The following CBR4 variants were observed in gnomAD, a reference collection of about 807,000 sequenced individuals.
CBR4 encodes 3-oxoacyl-[acyl-carrier-protein] reductase.
A neutral mutation model predicts 21.0 loss-of-function variants in CBR4; 22 were observed. The ratio of observed to expected loss-of-function variants is 1.05; its 90% CI spans 0.75 to 1.50. CBR4 has a LOEUF of 1.50. Among genes scored for constraint, CBR4 ranks in the 40% most tolerant of loss-of-function variants. The probability of loss-of-function intolerance (pLI) is 0.00; values close to 1 mark genes in which losing one functional copy is unlikely to be tolerated. For missense variants in CBR4, 302 were observed against 286.3 expected, an observed-to-expected ratio of 1.05 and a Z score of -0.40; for synonymous variants, 100 against 104.4, an observed-to-expected ratio of 0.96 and a Z score of 0.26.
At chr4:168,990,455 G>C in intron 4 of CBR4, 127 bp from the exon 5 acceptor site, 2 of 825,720 alleles carry the variant, frequency 2.4e-6, no homozygotes, top group South Asian at 4.8e-5. Flanking sequence ...ATTTTTTTTT[G>C]AGACAGGGTC....
At chr4:168,984,986 C>A (rs1764643459), downstream of CBR4, among the ~76,000 whole-genome samples, 1 of 152,120 alleles carries the variant, frequency 6.6e-6, no homozygotes, top group South Asian at 2.1e-4. Context: ...AAATACCATT[C>A]TGGACATGGG....
chr4:168,916,267 C>T (rs990533767), intron 2 of CBR4, among the ~76,000 whole-genome samples: 6 of 152,042 alleles, frequency 3.9e-5, no homozygotes, highest in Admixed American at 3.3e-4. Context: ...CAAAAGTTAG[C>T]CAGGCGTGGT....
chr4:168,922,028 T>C (rs901501857), intron 2 of CBR4, among the ~76,000 whole-genome samples: 2 of 151,170 alleles, frequency 1.3e-5, no homozygotes, highest in African/African-American at 2.4e-5. Flanking sequence ...AGAGAAATAG[T>C]AACAGCAGCA....
At chr4:168,965,733 C>T (rs1005656610) in intron 2 of CBR4, among the ~76,000 whole-genome samples, 4 of 152,114 alleles carry the variant, frequency 2.6e-5, no homozygotes, top group African/African-American at 7.2e-5. Context: ...TTCCTTACAC[C>T]GTATACAAAA....
Position 168,989,900 on chromosome 4 carries a change from G to C in CBR4, c.*250C>G. The C allele has an allele frequency of 8.9e-7, 1 of 1,124,530 alleles. No homozygotes were observed. The highest frequency in any genetic ancestry group is 1.1e-6 in the Non-Finnish European group (1 of 915,570). 69.7% of individuals were successfully genotyped at this position (1,124,530 alleles called of 1,614,324 possible). A position where few individuals can be genotyped will look rare whatever the true frequency, so the allele number is the denominator to read the frequency against. On this transcript the variant is annotated 3_prime_UTR_variant, in exon 5 of 5. Transcript: ENST00000306193. ...GTGTATTTTAAATGTGTGATTATATGGTATGTGAATTGTATCTCATGAAGG... is the reference window on the plus strand; with the variant it reads ...GTGTATTTTAAATGTGTGATTATATCGTATGTGAATTGTATCTCATGAAGG...
rs78050230 is a variant in CBR4 at position 168,990,437 on chromosome 4, A to T, written c.536-109T>A. ...TGAAAATTTTAATTTGAAATTATTTAAAAAAAAATTTTTTTTTGAGACAGG... is the reference window on the plus strand; with the variant it reads ...TGAAAATTTTAATTTGAAATTATTTTAAAAAAAATTTTTTTTTGAGACAGG... On this transcript the variant is annotated intron_variant, in intron 4 of 4. Transcript: ENST00000306193. 7.6e-3 allele frequency: 7,089 copies of T among 933,716 alleles called. 298 individuals are homozygous for T. The African/African-American group carries it at 0.099, about 13-fold the overall frequency. 57.8% of individuals were successfully genotyped at this position (933,716 alleles called of 1,614,324 possible).
At chr4:168,909,651 G>A (rs1315620306) in intron 2 of CBR4, among the ~76,000 whole-genome samples, 1 of 152,104 alleles carries the variant, frequency 6.6e-6, no homozygotes, top group African/African-American at 2.4e-5. Context: ...AGATAGAAAT[G>A]AGAAAATTAA....
rs1040176245 is a variant in CBR4, at chr4:168,988,454, G to A, written c.*1696C>T. 3 of 985,282 alleles carry A rather than the reference G, an allele frequency of 3.0e-6. No homozygotes were observed. The highest frequency in any genetic ancestry group is 3.5e-5 in the African/African-American group (2 of 57,222). The allele number at this position is 985,282 out of a possible 1,614,324, so 61.0% of individuals were successfully genotyped here. A position where few individuals can be genotyped will look rare whatever the true frequency, so the allele number is the denominator to read the frequency against. ...TTCAGAGCATAAGGTGTCCAGAGAA[G>A]AAAACTCAAGACTGAATGGGCTGCC... On this transcript the variant is annotated 3_prime_UTR_variant, in exon 5 of 5. Coordinates refer to ENST00000306193, the MANE Select transcript of CBR4 (RefSeq NM_032783.5).
intron 2 of CBR4, among the ~76,000 whole-genome samples, chr4:168,909,315 CTG>C (rs1758434672): frequency 6.6e-6 from 1 of 152,126 alleles, no homozygotes; most frequent in South Asian, 2.1e-4. Flanking sequence ...TTATGAAGAC[CTG>C]TGTGCCACAA....
At chr4:168,964,172 A>G (rs916858854) in intron 2 of CBR4, among the ~76,000 whole-genome samples, 1 of 152,202 alleles carries the variant, frequency 6.6e-6, no homozygotes, top group Non-Finnish European at 1.5e-5. Context: ...ATACTCTGAC[A>G]ATATCATTCA....
intron 2 of CBR4, among the ~76,000 whole-genome samples, chr4:168,906,117 C>T (rs992813861): frequency 1.3e-5 from 2 of 152,030 alleles, no homozygotes; most frequent in Non-Finnish European, 2.9e-5. Context: ...AATTTTTCTT[C>T]GTGTTGGGTC....
At chr4:168,927,272 T>C (rs1762686199) in intron 2 of CBR4, 1 of 231,244 alleles carries the variant, frequency 4.3e-6, no homozygotes. Flanking sequence ...TAGATAAAAG[T>C]AGAAGGCACA....
chr4:168,944,140 C>T (rs1260116538), intron 2 of CBR4, among the ~76,000 whole-genome samples: 1 of 151,820 alleles, frequency 6.6e-6, no homozygotes, highest in Non-Finnish European at 1.5e-5. Context: ...TTTATGAGTT[C>T]ACTCATAAAG....
At chr4:169,005,410 T>C (rs1730828057) in intron 3 of CBR4, 1 of 155,936 alleles carries the variant, frequency 6.4e-6, no homozygotes, top group South Asian at 1.9e-4. Flanking sequence ...GTTCATCAGG[T>C]CAAAAAGTGG....
At chr4:169,007,506 C>T (rs1731004417) in intron 2 of CBR4, 130 bp downstream of exon 2, 2 of 475,846 alleles carry the variant, frequency 4.2e-6, no homozygotes, top group African/African-American at 4.1e-5. Context: ...TATGGATTGA[C>T]AAGTTTTAAA....
At position 168,990,163 on chromosome 4, in the gene CBR4, T is replaced by C; in HGVS notation, c.701A>G (p.Gln234Arg). Residue 234 changes from glutamine to arginine, a missense_variant, in exon 5 of 5, where the codon CAA becomes CGA. Transcript: ENST00000306193. Reference sequence around the variant, plus strand: ...ATAATCTGCAAATTACAAAATGAGTTGTAATCCCCCATCCACTACCAGAAC... The same window carrying C: ...ATAATCTGCAAATTACAAAATGAGTCGTAATCCCCCATCCACTACCAGAAC... Reference protein sequence around the residue: ...GHVLVVDGGLQLIL With the variant: ...GHVLVVDGGLRLIL 1 of 1,597,866 alleles carries C rather than the reference T, an allele frequency of 6.3e-7. No individual in the cohort carries two copies. Among genetic ancestry groups the C allele is most frequent in the Non-Finnish European group, 8.5e-7 (1 of 1,172,912 alleles).
intron 2 of CBR4, among the ~76,000 whole-genome samples, chr4:168,948,987 C>G (rs1763468034): frequency 6.6e-6 from 1 of 152,156 alleles, no homozygotes; most frequent in African/African-American, 2.4e-5. Flanking sequence ...TTGATTCTAC[C>G]CTTCCATGAG....
At chr4:168,966,016 C>A (rs1764014684) in intron 2 of CBR4, among the ~76,000 whole-genome samples, 1 of 152,072 alleles carries the variant, frequency 6.6e-6, no homozygotes, top group South Asian at 2.1e-4. Context: ...GGGCTAATAT[C>A]CAGAATCTAC....
intron 4 of CBR4, among the ~76,000 whole-genome samples, chr4:168,998,768 T>C (rs963691197): frequency 3.3e-5 from 5 of 152,174 alleles, no homozygotes; most frequent in African/African-American, 9.6e-5. Context: ...CCAAGGTATC[T>C]TGTTCTATGA....
Sources: allele counts gnomAD v4.1 joint callset (sites outside exome capture counted in the v4.1 genomes callset), GRCh38; gene constraint gnomAD v4.1.1; transcripts MANE v1.5; gene names NCBI Gene and HGNC (gene_info 2026-07-23, HGNC 2026-07-21).